The following WWOX variants were observed in gnomAD, a reference collection of about 807,000 sequenced individuals.
WWOX encodes WW domain containing oxidoreductase.
Under a neutral mutation model 46.2 loss-of-function variants are expected in WWOX, and 69 were observed. The ratio of observed to expected loss-of-function variants is 1.49; its 90% CI spans 1.23 to 1.82. WWOX has a LOEUF of 1.82. WWOX is among the 40% of genes most tolerant of loss of function. The probability of loss-of-function intolerance (pLI) is 0.00; values close to 1 mark genes in which losing one functional copy is unlikely to be tolerated. For synonymous variants in WWOX, 359 were observed against 202.6 expected (o/e 1.77, Z -6.56); for missense variants, 919 against 542.6 (o/e 1.69, Z -6.89).
chr16:78,431,268 T>C (rs7201039), intron 7 of WWOX, among the ~76,000 whole-genome samples: 34,325 of 152,150 alleles, frequency 0.23, 5,836 homozygotes, highest in African/African-American at 0.47. Flanking sequence ...AAACATTAGA[T>C]TTTGCCAGAA....
At chr16:78,857,813 A>G (rs1246296708) in intron 8 of WWOX, among the ~76,000 whole-genome samples, 1 of 152,196 alleles carries the variant, frequency 6.6e-6, no homozygotes, top group Non-Finnish European at 1.5e-5. Context: ...ATAGGAGCAT[A>G]AATTGTTTTT....
At chr16:78,471,852 T>A (rs940654369) in intron 8 of WWOX, among the ~76,000 whole-genome samples, 1 of 152,248 alleles carries the variant, frequency 6.6e-6, no homozygotes, top group Non-Finnish European at 1.5e-5. Flanking sequence ...AATAAACTTT[T>A]ACATTTTAAT....
intron 5 of WWOX, among the ~76,000 whole-genome samples, chr16:78,299,131 T>G (rs1031767989): frequency 6.6e-6 from 1 of 152,166 alleles, no homozygotes; most frequent in African/African-American, 2.4e-5. Context: ...CTTATCAGTA[T>G]CTGAAGAACC....
chr16:78,188,323 A>C (rs1303365821), intron 5 of WWOX, among the ~76,000 whole-genome samples: 1 of 151,990 alleles, frequency 6.6e-6, no homozygotes, highest in African/African-American at 2.4e-5. Context: ...CCCCGTCTTT[A>C]CTAAAAATAC....
chr16:78,442,645 G>A (rs1191123828), intron 8 of WWOX, among the ~76,000 whole-genome samples: 1 of 152,090 alleles, frequency 6.6e-6, no homozygotes, highest in African/African-American at 2.4e-5. Context: ...CACTGTGTCT[G>A]TCATAGAAGG....
intron 8 of WWOX, among the ~76,000 whole-genome samples, chr16:78,526,762 A>G (rs2043479771): frequency 6.6e-6 from 1 of 152,156 alleles, no homozygotes; most frequent in South Asian, 2.1e-4. Context: ...GTTGAGGGCA[A>G]CAGGGGCAGT....
At chr16:78,236,878 C>A (rs2037456647) in intron 5 of WWOX, among the ~76,000 whole-genome samples, 1 of 151,942 alleles carries the variant, frequency 6.6e-6, no homozygotes. Flanking sequence ...AGTTGAAGAC[C>A]ACCTTGATCA....
At chr16:78,654,113 C>T (rs867744687) in intron 8 of WWOX, among the ~76,000 whole-genome samples, 1 of 152,182 alleles carries the variant, frequency 6.6e-6, no homozygotes, top group South Asian at 2.1e-4. Context: ...GAGAAACTCT[C>T]AAAGGCCAGG....
chr16:78,364,906 C>G (rs1348288056), intron 5 of WWOX, among the ~76,000 whole-genome samples: 2 of 152,112 alleles, frequency 1.3e-5, no homozygotes, highest in East Asian at 1.9e-4. Context: ...CCCATTCTGT[C>G]TAGGTACCTG....
intron 8 of WWOX, among the ~76,000 whole-genome samples, chr16:78,744,794 G>A (rs1235139147): frequency 3.3e-5 from 5 of 152,162 alleles, no homozygotes; most frequent in African/African-American, 7.2e-5. Context: ...AATTACAAGG[G>A]AGATTAAAAA....
At chr16:78,871,503 C>T (rs1004876812) in intron 8 of WWOX, among the ~76,000 whole-genome samples, 1 of 152,216 alleles carries the variant, frequency 6.6e-6, no homozygotes, top group African/African-American at 2.4e-5. Flanking sequence ...CTGTGAGACA[C>T]AGGTGACAAG....
chr16:78,462,210 G>A (rs1229122658), intron 8 of WWOX, among the ~76,000 whole-genome samples: 1 of 152,078 alleles, frequency 6.6e-6, no homozygotes, highest in African/African-American at 2.4e-5. Context: ...TCTCAGCGAT[G>A]ATCCTAAATA....
chr16:78,341,169 T>TG lies in WWOX; in HGVS notation c.517-45691_517-45690insG, dbSNP rs368290468. 2.2e-4 allele frequency among the ~76,000 whole-genome samples: 3 copies of TG among 13,816 alleles called. No homozygotes were observed. The African/African-American group carries it at 3.3e-3, about 15-fold the overall frequency. The allele number at this position is 13,816 out of a possible 152,430, so 9.1% of individuals were successfully genotyped here. ...TCTGCTTTCCAGCATCCAACTGTAA[T>TG]TTTTTTTTTTTTAAGAGAAATGAAG... On this transcript the variant is annotated intron_variant, in intron 5 of 8. Coordinates refer to ENST00000566780, the MANE Select transcript of WWOX (RefSeq NM_016373.4).
intron 8 of WWOX, among the ~76,000 whole-genome samples, chr16:78,634,875 C>A (rs537469686): frequency 7.3e-6 from 1 of 137,470 alleles, no homozygotes; most frequent in Non-Finnish European, 1.6e-5. Context: ...TGTGTGTGTG[C>A]GCGTGCATGT....
In WWOX at chr16:78,397,441, A is replaced by G. The variant is rs533445543; in HGVS notation, c.605+10493A>G. On this transcript the variant is annotated intron_variant, in intron 6 of 8. Coordinates refer to ENST00000566780, the MANE Select transcript of WWOX (RefSeq NM_016373.4). ...GTGTTTAATGGTTCAGCCTGGTGCA[A>G]TGATTAACCACATTTTACAGACTAA... Among the ~76,000 whole-genome samples the G allele has an allele frequency of 1.6e-3, 249 of 152,314 alleles. 1 individual carries two copies. Among genetic ancestry groups the G allele is most frequent in the Non-Finnish European group, 2.9e-3 (195 of 68,018 alleles).
At chr16:79,003,111 T>C (rs995795453) in intron 8 of WWOX, among the ~76,000 whole-genome samples, 15 of 152,162 alleles carry the variant, frequency 9.9e-5, no homozygotes, top group Non-Finnish European at 2.1e-4. Context: ...TCCAGAACCC[T>C]CTTTTGCAGT....
At chr16:78,839,343 T>G (rs938179196) in intron 8 of WWOX, among the ~76,000 whole-genome samples, 1 of 152,132 alleles carries the variant, frequency 6.6e-6, no homozygotes, top group East Asian at 1.9e-4. Flanking sequence ...TCCCCTGGCT[T>G]GGTAATATCC....
At chr16:78,859,576 G>C (rs2052668426) in intron 8 of WWOX, among the ~76,000 whole-genome samples, 1 of 152,084 alleles carries the variant, frequency 6.6e-6, no homozygotes, top group Non-Finnish European at 1.5e-5. Context: ...TGTCATTATG[G>C]ATTTGGTTTT....
chr16:79,078,801 G>A (rs1430295133), intron 8 of WWOX, among the ~76,000 whole-genome samples: 3 of 152,184 alleles, frequency 2.0e-5, no homozygotes, highest in African/African-American at 7.2e-5. Flanking sequence ...ATTTCTCCAA[G>A]TGGTGATAAT....
Sources: allele counts gnomAD v4.1 joint callset (sites outside exome capture counted in the v4.1 genomes callset), GRCh38; gene constraint gnomAD v4.1.1; transcripts MANE v1.5; gene names NCBI Gene and HGNC (gene_info 2026-07-23, HGNC 2026-07-21).